The following GPR39 variants were observed in gnomAD, a reference collection of about 807,000 sequenced individuals.
The protein encoded by GPR39 is zinc sensing receptor.
Under a neutral mutation model 18.4 loss-of-function variants are expected in GPR39, and 23 were observed. The ratio of observed to expected loss-of-function variants is 1.25; its 90% CI spans 0.90 to 1.77. GPR39 has a LOEUF of 1.77. Ranked by LOEUF, GPR39 falls within the 40% of genes most tolerant of loss-of-function variation. GPR39 has a pLI of 0.00. For synonymous variants in GPR39, 280 were observed against 257.9 expected (o/e 1.09, Z -0.82); for missense variants, 647 against 602.4 (o/e 1.07, Z -0.78).
intron 1 of GPR39, among the ~76,000 whole-genome samples, chr2:132,433,556 C>T (rs1037624718): frequency 6.6e-6 from 1 of 151,814 alleles, no homozygotes; most frequent in South Asian, 2.1e-4. Flanking sequence ...GCTGGAAGTG[C>T]TGCCAAGAAG....
intron 1 of GPR39, among the ~76,000 whole-genome samples, chr2:132,448,320 C>T (rs1254423587): frequency 1.3e-5 from 2 of 152,132 alleles, no homozygotes; most frequent in Admixed American, 6.6e-5. Flanking sequence ...TTTTGGTTCT[C>T]ACTTGCTAGC....
At chr2:132,459,183 A>G (rs957256547) in intron 1 of GPR39, among the ~76,000 whole-genome samples, 1 of 152,070 alleles carries the variant, frequency 6.6e-6, no homozygotes, top group Non-Finnish European at 1.5e-5. Flanking sequence ...TTACAGTTCC[A>G]TGTCTCCTAG....
rs754836306 is a variant in GPR39 at position 132,417,314 on chromosome 2, T to G, written c.272T>G (p.Phe91Cys). The change falls in exon 1 of 2, where the codon TTC becomes TGC. Residue 91 changes from phenylalanine (F) to cysteine (C), a missense_variant. Physicochemically the swap from Phe to Cys is radical, Grantham distance 205 (BLOSUM62 -2). Coordinates refer to ENST00000329321, the MANE Select transcript of GPR39 (RefSeq NM_001508.3). ...LVFLIGMPME[F>C]YSIIWNPLTT... ...TTCCTCATCGGCATGCCCATGGAGTTCTACAGCATCATCTGGAATCCCCTG... is the reference window on the plus strand; with the variant it reads ...TTCCTCATCGGCATGCCCATGGAGTGCTACAGCATCATCTGGAATCCCCTG... 6.2e-7 allele frequency: 1 copy of G among 1,614,132 alleles called. No homozygotes were observed. The highest frequency in any genetic ancestry group is 8.5e-7 in the Non-Finnish European group (1 of 1,180,022).
intron 1 of GPR39, among the ~76,000 whole-genome samples, chr2:132,586,436 C>T (rs770410941): frequency 1.3e-5 from 2 of 152,122 alleles, no homozygotes; most frequent in Non-Finnish European, 2.9e-5. Context: ...CCTTGCTAGC[C>T]TCTCTTCCTT....
rs923857139 is a variant in GPR39 at position 132,417,298 on chromosome 2, G to A, written c.256G>A (p.Gly86Ser). ...ACSDILVFLI[G>S]MPMEFYSIIW... The stretch of plus-strand genomic sequence containing the variant: ...CTCGGACATCTTGGTGTTCCTCATC[G>A]GCATGCCCATGGAGTTCTACAGCAT... Residue 86 changes from glycine to serine, a missense_variant, in exon 1 of 2, where the codon GGC becomes AGC. Coordinates refer to ENST00000329321, the MANE Select transcript of GPR39 (RefSeq NM_001508.3). 7.4e-6 allele frequency: 12 copies of A among 1,613,974 alleles called. No individual in the cohort carries two copies. Among genetic ancestry groups the A allele is most frequent in the South Asian group, 2.2e-5 (2 of 91,070 alleles).
chr2:132,643,206 A>G (rs1008126674), intron 1 of GPR39, among the ~76,000 whole-genome samples: 1 of 152,226 alleles, frequency 6.6e-6, no homozygotes, highest in Non-Finnish European at 1.5e-5. Context: ...CCATTTTTTC[A>G]TCAGATCAAT....
At chr2:132,451,680 G>A (rs1680635197) in intron 1 of GPR39, among the ~76,000 whole-genome samples, 2 of 151,920 alleles carry the variant, frequency 1.3e-5, no homozygotes, top group African/African-American at 2.4e-5. Flanking sequence ...ATATTCTTAG[G>A]ATTTACCTTT....
At chr2:132,608,390 C>T (rs1028997222) in intron 1 of GPR39, among the ~76,000 whole-genome samples, 1 of 152,202 alleles carries the variant, frequency 6.6e-6, no homozygotes, top group African/African-American at 2.4e-5. Context: ...ATACACATCC[C>T]CCGGCTCCCT....
intron 1 of GPR39, among the ~76,000 whole-genome samples, chr2:132,598,467 TTTG>T (rs61704849): frequency 5.8e-5 from 8 of 137,156 alleles, no homozygotes; most frequent in Non-Finnish European, 9.1e-5. Flanking sequence ...AATGGGGTTT[TTTG>T]TTGTTGTTGT....
chr2:132,593,867 A>G (rs890042760), intron 1 of GPR39, among the ~76,000 whole-genome samples: 2 of 152,154 alleles, frequency 1.3e-5, no homozygotes, highest in African/African-American at 4.8e-5. Context: ...AGCGCTCTCC[A>G]TCTGGCTCTT....
intron 1 of GPR39, among the ~76,000 whole-genome samples, chr2:132,420,137 G>A (rs1573592783): frequency 1.3e-5 from 2 of 152,178 alleles, no homozygotes; most frequent in Admixed American, 6.5e-5. Flanking sequence ...TATACCAACT[G>A]TATGTTAATC....
At chr2:132,601,617 A>G (rs540866260) in intron 1 of GPR39, among the ~76,000 whole-genome samples, 1 of 152,276 alleles carries the variant, frequency 6.6e-6, no homozygotes, top group South Asian at 2.1e-4. Context: ...ATACACTGAA[A>G]AAAAGGCAAT....
intron 1 of GPR39, among the ~76,000 whole-genome samples, chr2:132,536,998 C>T (rs757202777): frequency 9.9e-5 from 15 of 152,180 alleles, no homozygotes; most frequent in African/African-American, 1.7e-4. Flanking sequence ...ATAGTGCACA[C>T]CCGTGGGTCT....
At chr2:132,486,497 C>T (rs1440238955) in intron 1 of GPR39, among the ~76,000 whole-genome samples, 1 of 152,216 alleles carries the variant, frequency 6.6e-6, no homozygotes, top group Admixed American at 6.5e-5. Context: ...AGTGTAGCCA[C>T]CTTCATCTAC....
At chr2:132,492,768 T>TG (rs1227011270) in intron 1 of GPR39, among the ~76,000 whole-genome samples, 955 of 79,286 alleles carry the variant, frequency 0.012, 18 homozygotes, top group Non-Finnish European at 0.018. Context: ...TATATATACA[T>TG]TCCATATATA....
chr2:132,584,714 G>A (rs935042435), intron 1 of GPR39, among the ~76,000 whole-genome samples: 3 of 152,182 alleles, frequency 2.0e-5, no homozygotes, highest in East Asian at 3.9e-4. Flanking sequence ...AAAAAACACC[G>A]TTTCGAAAAG....
intron 1 of GPR39, among the ~76,000 whole-genome samples, chr2:132,608,686 T>C (rs1035314393): frequency 1.2e-4 from 19 of 152,134 alleles, no homozygotes; most frequent in African/African-American, 3.9e-4. Flanking sequence ...CAGACCCACA[T>C]TGATTCAGTT....
At chr2:132,486,445 C>T (rs1681341664) in intron 1 of GPR39, among the ~76,000 whole-genome samples, 1 of 152,240 alleles carries the variant, frequency 6.6e-6, no homozygotes, top group Non-Finnish European at 1.5e-5. Flanking sequence ...GCATCTTCTT[C>T]CAGTAGAAGG....
intron 1 of GPR39, among the ~76,000 whole-genome samples, chr2:132,520,368 A>G (rs1304181288): frequency 6.6e-6 from 1 of 152,188 alleles, no homozygotes; most frequent in Non-Finnish European, 1.5e-5. Context: ...TGAATCCTTC[A>G]TGCCAAGCTC....
Sources: gnomAD v4.1 joint callset for allele counts (sites outside exome capture counted in the v4.1 genomes callset) on GRCh38, gnomAD v4.1.1 for gene constraint, MANE v1.5 for transcripts, NCBI Gene and HGNC (gene_info 2026-07-23, HGNC 2026-07-21) for gene names.